Variants in TRIP12 observed in about 807,000 individuals in gnomAD.
TRIP12 encodes the protein thyroid hormone receptor interactor 12, also known as E3 ubiquitin-protein ligase TRIP12.
In TRIP12, 25 loss-of-function variants were observed where a neutral mutation model predicts 244.2. That is an observed-to-expected ratio of 0.10 (90% CI 0.07 to 0.14). The LOEUF is 0.14. Among genes scored for constraint, TRIP12 ranks in the 10% least tolerant of loss-of-function variants. The pLI, the probability that TRIP12 is intolerant of heterozygous loss-of-function variation, is 1.00. For missense variants in TRIP12, 1,677 were observed against 2,486.4 expected (o/e 0.67, Z 6.92); for synonymous variants, 905 against 873.1 (o/e 1.04, Z -0.64).
intron 9 of TRIP12, among the ~76,000 whole-genome samples, chr2:229,815,866 C>T (rs1464167181): frequency 1.3e-5 from 2 of 152,080 alleles, no homozygotes; most frequent in East Asian, 1.9e-4. Flanking sequence ...CTAATTAAAG[C>T]CAAATTAATA....
chr2:229,919,520 GCAT>G (rs2154383846), intron 1 of TRIP12, among the ~76,000 whole-genome samples: 1 of 151,766 alleles, frequency 6.6e-6, no homozygotes, highest in South Asian at 2.1e-4. Context: ...GATCTACCTA[GCAT>G]CCCATTCGTT....
chr2:229,829,316 C>A, intron 7 of TRIP12, 28 bp from the exon 8 acceptor site: 1 of 1,584,224 alleles, frequency 6.3e-7, no homozygotes, highest in Non-Finnish European at 8.6e-7. Flanking sequence ...GCAGAGTGAA[C>A]AACTAAGATG....
chr2:229,804,943 T>C (rs1017317717), intron 18 of TRIP12, among the ~76,000 whole-genome samples: 2 of 152,138 alleles, frequency 1.3e-5, no homozygotes, highest in African/African-American at 4.8e-5. Flanking sequence ...TCTCACTCTG[T>C]CACCCAGGCT....
At chr2:229,799,892 T>C (rs904087020) in intron 21 of TRIP12, among the ~76,000 whole-genome samples, 1 of 152,102 alleles carries the variant, frequency 6.6e-6, no homozygotes, top group Non-Finnish European at 1.5e-5. Flanking sequence ...ATTCAGAAAA[T>C]AACTAGCTGT....
chr2:229,775,657 G>A (rs1427296019), intron 37 of TRIP12, among the ~76,000 whole-genome samples: 2 of 150,652 alleles, frequency 1.3e-5, no homozygotes, highest in Non-Finnish European at 3.0e-5. Context: ...ATATTAAGTC[G>A]AGAAACTAAC....
In TRIP12 at chr2:229,877,091, G is replaced by C. The variant is rs149168528; in HGVS notation, c.98+2891C>G. On this transcript the variant is annotated intron_variant, in intron 2 of 41. Transcript: ENST00000675903. ...AACTGCAAAAATCACAATTACTTTT[G>C]CATCAAGTTAAATACACAGCTGGGC... is the stretch of plus-strand genomic sequence containing the variant. Among the ~76,000 whole-genome samples, 15 of 151,264 alleles carry C rather than the reference G, an allele frequency of 9.9e-5. No homozygotes were observed. In the East Asian group the frequency reaches 3.0e-3, roughly 30 times the overall value.
intron 2 of TRIP12, among the ~76,000 whole-genome samples, chr2:229,871,043 A>C (rs2062476905): frequency 6.6e-6 from 1 of 152,046 alleles, no homozygotes; most frequent in African/African-American, 2.4e-5. Flanking sequence ...CTGCAGTCCC[A>C]GCTACTCGGG....
intron 13 of TRIP12, 83 bp from the exon 14 acceptor site, chr2:229,811,287 A>C: frequency 1.4e-6 from 2 of 1,383,010 alleles, no homozygotes; most frequent in Non-Finnish European, 2.0e-6. Context: ...CTTCCTCCTA[A>C]CCCCAGATTC....
intron 1 of TRIP12, among the ~76,000 whole-genome samples, chr2:229,909,325 C>T (rs1318785948): frequency 1.3e-5 from 2 of 151,780 alleles, no homozygotes; most frequent in African/African-American, 4.8e-5. Flanking sequence ...GTGGAAGGAT[C>T]ACTTGAGCCT....
At chr2:229,790,983 G>T in intron 30 of TRIP12, 141 bp downstream of exon 30, 1 of 1,075,982 alleles carries the variant, frequency 9.3e-7, no homozygotes, top group Non-Finnish European at 1.3e-6. Context: ...GATTAAATGT[G>T]ATCAAACTGT....
At chr2:229,903,419 G>GT (rs890223664) in intron 1 of TRIP12, among the ~76,000 whole-genome samples, 2 of 152,144 alleles carry the variant, frequency 1.3e-5, no homozygotes, top group African/African-American at 4.8e-5. Flanking sequence ...GGATGACCAA[G>GT]TAAGGCCATC....
chr2:229,903,866 C>CAA (rs869205971), intron 1 of TRIP12, among the ~76,000 whole-genome samples: 44 of 62,540 alleles, frequency 7.0e-4, no homozygotes, highest in African/African-American at 2.1e-3. Context: ...ACCAAAAATA[C>CAA]AAAAAAAAAA....
At chr2:229,868,065 T>C (rs2061888991) in intron 2 of TRIP12, among the ~76,000 whole-genome samples, 1 of 152,176 alleles carries the variant, frequency 6.6e-6, no homozygotes, top group African/African-American at 2.4e-5. Flanking sequence ...GACAGACTAG[T>C]TTCAGCATTA....
At chr2:229,849,278 A>G (rs1368281255) in intron 4 of TRIP12, among the ~76,000 whole-genome samples, 3 of 152,260 alleles carry the variant, frequency 2.0e-5, no homozygotes. Flanking sequence ...TACGTGGCTC[A>G]GTGTAAATAA....
chr2:229,892,935 T>C (rs1238233555), intron 1 of TRIP12, among the ~76,000 whole-genome samples: 1 of 152,168 alleles, frequency 6.6e-6, no homozygotes. Flanking sequence ...CTACCACTCA[T>C]CTTCAAATGG....
chr2:229,792,094 A>G (rs766368981), intron 28 of TRIP12, 29 bp from the exon 29 acceptor site: 7 of 1,613,888 alleles, frequency 4.3e-6, no homozygotes, highest in East Asian at 4.5e-5. Flanking sequence ...AAGCCATTTA[A>G]GCCAAAGGCC....
intron 6 of TRIP12, among the ~76,000 whole-genome samples, chr2:229,834,986 T>C (rs2054428931): frequency 6.6e-6 from 1 of 152,228 alleles, no homozygotes; most frequent in Non-Finnish European, 1.5e-5. Flanking sequence ...CAAAAAGAGC[T>C]CTAAGTCCAC....
chr2:229,864,885 T>G (rs762573196), intron 2 of TRIP12, among the ~76,000 whole-genome samples: 1 of 152,200 alleles, frequency 6.6e-6, no homozygotes, highest in Non-Finnish European at 1.5e-5. Context: ...TTTAGGCACA[T>G]AGTATTGACT....
intron 37 of TRIP12, among the ~76,000 whole-genome samples, chr2:229,776,332 T>G (rs940544136): frequency 1.3e-5 from 2 of 152,234 alleles, no homozygotes; most frequent in Non-Finnish European, 2.9e-5. Context: ...TGTAATAGTT[T>G]AAAACTTACC....
Sources: gnomAD v4.1 joint callset for allele counts (sites outside exome capture counted in the v4.1 genomes callset) on GRCh38, gnomAD v4.1.1 for gene constraint, MANE v1.5 for transcripts, NCBI Gene and HGNC (gene_info 2026-07-23, HGNC 2026-07-21) for gene names.